SEPTIN9: variants seen among roughly 807,000 people sequenced by gnomAD.
SEPTIN9 encodes septin 9.
A neutral mutation model predicts 56.6 loss-of-function variants in SEPTIN9; 13 were observed. That is an observed-to-expected ratio of 0.23 (90% CI 0.15 to 0.37). SEPTIN9 has a LOEUF of 0.37. SEPTIN9 is among the 10% of genes least tolerant of loss of function. The pLI, the probability that SEPTIN9 is intolerant of heterozygous loss-of-function variation, is 1.00. For missense variants in SEPTIN9, 650 were observed against 823.1 expected (o/e 0.79, Z 2.57); for synonymous variants, 332 against 334.1 (o/e 0.99, Z 0.07).
intron 2 of SEPTIN9, among the ~76,000 whole-genome samples, chr17:77,359,503 A>C (rs939319939): frequency 1.3e-5 from 2 of 152,252 alleles, no homozygotes; most frequent in Non-Finnish European, 2.9e-5. Context: ...CCAGTCAATC[A>C]TGATGGCTGC....
Position 77,482,224 on chromosome 17 carries a change from C to T in SEPTIN9, c.802C>T (p.Arg268Trp), listed in dbSNP as rs762063100. The T allele has an allele frequency of 1.8e-5, 29 of 1,612,762 alleles. No homozygotes were observed. The highest frequency in any genetic ancestry group is 8.9e-5 in the East Asian group (4 of 44,854). Residue 268 changes from arginine to tryptophan, a missense_variant, in exon 4 of 12, where the codon CGG becomes TGG. Coordinates refer to ENST00000427177, the MANE Select transcript of SEPTIN9 (RefSeq NM_001113491.2). ...CGGGCTCAAGCAGGCGCCTGCATCACGGAACGAGAAGGCCCCGGTGGACTT... is the reference window on the plus strand; with the variant it reads ...CGGGCTCAAGCAGGCGCCTGCATCATGGAACGAGAAGGCCCCGGTGGACTT... Reference protein sequence around the residue: ...DAGLKQAPASRNEKAPVDFGY... With the variant: ...DAGLKQAPASWNEKAPVDFGY...
At chr17:77,322,959 C>T (rs2032993949) in intron 2 of SEPTIN9, 1 of 152,464 alleles carries the variant, frequency 6.6e-6, no homozygotes, top group South Asian at 2.1e-4. Flanking sequence ...GTGGGTGCCT[C>T]ATGCCCCACT....
chr17:77,372,725 G>C (rs1267334565), intron 2 of SEPTIN9, among the ~76,000 whole-genome samples: 2 of 151,948 alleles, frequency 1.3e-5, no homozygotes, highest in African/African-American at 4.8e-5. Flanking sequence ...CCCCGGGGCG[G>C]TGGTCGTGGT....
In SEPTIN9 at chr17:77,449,922, T is replaced by C. The variant is rs8081166; in HGVS notation, c.722-32222T>C. On this transcript the variant is annotated intron_variant, in intron 3 of 11. Coordinates refer to ENST00000427177, the MANE Select transcript of SEPTIN9 (RefSeq NM_001113491.2). The surrounding 1 kb of genome is among the most constrained non-coding windows in gnomAD (Gnocchi z 4.6). ...TGGGGAAGGTCAAATTCCACAGATA[T>C]TGAGTGACAGGCCCAGGGCCTTGGA... 0.03 allele frequency among the ~76,000 whole-genome samples: 4,531 copies of C among 152,282 alleles called. 203 individuals are homozygous for C. Among genetic ancestry groups the C allele is most frequent in the African/African-American group, 0.097 (4,044 of 41,524 alleles).
rs1488192253 is a variant in SEPTIN9 at position 77,319,182 on chromosome 17, A to G, written c.76+11985A>G. On this transcript the variant is annotated intron_variant, in intron 2 of 11. Transcript: ENST00000427177. The surrounding 1 kb of genome is among the most constrained non-coding windows in gnomAD (Gnocchi z 5.3). Reference sequence around the variant, plus strand: ...TGTCTCGGGTTTGAATGAACCCTTGAGGTGAAGCTTAAAGACAGAGAGGAT... The same window carrying G: ...TGTCTCGGGTTTGAATGAACCCTTGGGGTGAAGCTTAAAGACAGAGAGGAT... 3.3e-5 allele frequency among the ~76,000 whole-genome samples: 5 copies of G among 152,166 alleles called. No homozygotes were observed. The highest frequency in any genetic ancestry group is 2.6e-4 in the Admixed American group (4 of 15,280).
intron 1 of SEPTIN9, chr17:77,287,804 CA>C (rs2031345449): frequency 1.1e-6 from 1 of 874,894 alleles, no homozygotes; most frequent in Non-Finnish European, 1.4e-6. Context: ...CCTGGTTCTC[CA>C]AAGCATGACT....
chr17:77,480,614 C>CG (rs1258034867), intron 3 of SEPTIN9, among the ~76,000 whole-genome samples: 1 of 152,212 alleles, frequency 6.6e-6, no homozygotes, highest in Non-Finnish European at 1.5e-5. Flanking sequence ...TTGCCTGTCA[C>CG]GGGGGATGAG....
At chr17:77,418,841 G>A (rs774288627) in intron 3 of SEPTIN9, among the ~76,000 whole-genome samples, 2 of 152,102 alleles carry the variant, frequency 1.3e-5, no homozygotes, top group African/African-American at 2.4e-5. Flanking sequence ...AGGCTGGACC[G>A]AGACCCGGTG....
intron 1 of SEPTIN9, among the ~76,000 whole-genome samples, chr17:77,301,559 G>A (rs2032058190): frequency 6.6e-6 from 1 of 152,028 alleles, no homozygotes; most frequent in Admixed American, 6.6e-5. Flanking sequence ...TGAGTAGCTG[G>A]GATTACAAAC....
intron 2 of SEPTIN9, 72 bp downstream of exon 2, chr17:77,307,269 T>A: frequency 2.2e-6 from 3 of 1,377,222 alleles, no homozygotes; most frequent in Non-Finnish European, 3.1e-6. Context: ...TTCATTCTGG[T>A]CTGGGACCTG....
chr17:77,366,329 C>T lies in SEPTIN9; in HGVS notation c.77-35730C>T, dbSNP rs138107556. ...TTAGCCATTTCACGACTGTGTCTTG[C>T]GGGGCTGGAGTAGGAACAGGAGTAG... On this transcript the variant is annotated intron_variant, in intron 2 of 11. Coordinates refer to ENST00000427177, the MANE Select transcript of SEPTIN9 (RefSeq NM_001113491.2). 3.0e-3 allele frequency among the ~76,000 whole-genome samples: 462 copies of T among 152,210 alleles called. 11 individuals carry two copies. In the East Asian group the frequency reaches 0.049, roughly 16 times the overall value.
rs540419776 is a variant in SEPTIN9, at chr17:77,452,542, T to C, written c.722-29602T>C. On this transcript the variant is annotated intron_variant, in intron 3 of 11. Transcript: ENST00000427177. The stretch of plus-strand genomic sequence containing the variant: ...TAAGATAAGTTTGTAATTCCTTTCC[T>C]GGAGAAAAATATGCCACCCGGAAGC... Among the ~76,000 whole-genome samples, 5 of 152,308 alleles carry C rather than the reference T, an allele frequency of 3.3e-5. No individual in the cohort carries two copies. The East Asian group carries it at 9.6e-4, about 29-fold the overall frequency.
At chr17:77,381,938 C>T (rs1380553690) in intron 2 of SEPTIN9, among the ~76,000 whole-genome samples, 1 of 152,202 alleles carries the variant, frequency 6.6e-6, no homozygotes, top group African/African-American at 2.4e-5. Flanking sequence ...TGGAGGAAGG[C>T]TTCCTAACCA....
At chr17:77,379,223 C>G (rs1421424276) in intron 2 of SEPTIN9, among the ~76,000 whole-genome samples, 1 of 152,086 alleles carries the variant, frequency 6.6e-6, no homozygotes, top group African/African-American at 2.4e-5. Context: ...CCCCATACCC[C>G]TACACTGGGC....
Position 77,451,536 on chromosome 17 carries a change from C to T in SEPTIN9, c.722-30608C>T, listed in dbSNP as rs529624959. The T allele has an allele frequency of 1.0e-6, 1 of 985,692 alleles. No homozygotes were observed. The highest frequency in any genetic ancestry group is 1.2e-6 in the Non-Finnish European group (1 of 830,120). 61.1% of individuals were successfully genotyped at this position (985,692 alleles called of 1,614,324 possible). On this transcript the variant is annotated intron_variant, in intron 3 of 11. Transcript: ENST00000427177. The surrounding 1 kb of genome is among the most constrained non-coding windows in gnomAD (Gnocchi z 4.2). ...CGACGTTCCGCTGCTGGGGTGAGTC[C>T]TGCTCCTTTGTTCTTCCCAGCCTTG... is the stretch of plus-strand genomic sequence containing the variant.
chr17:77,343,177 G>T (rs79937747), intron 2 of SEPTIN9, among the ~76,000 whole-genome samples: 4,402 of 152,292 alleles, frequency 0.029, 205 homozygotes, highest in African/African-American at 0.1. Context: ...GATAAGGGCT[G>T]GTTGCCAGGG....
intron 3 of SEPTIN9, among the ~76,000 whole-genome samples, chr17:77,468,472 C>A (rs550040901): frequency 6.6e-6 from 1 of 152,060 alleles, no homozygotes; most frequent in Non-Finnish European, 1.5e-5. Context: ...AGGTTAGGGG[C>A]GTGTGTTTTG....
At chr17:77,396,500 G>T (rs1362234095) in intron 2 of SEPTIN9, among the ~76,000 whole-genome samples, 2 of 152,164 alleles carry the variant, frequency 1.3e-5, no homozygotes, top group Non-Finnish European at 2.9e-5. Flanking sequence ...GACGTGTAAA[G>T]TGACAAGGAC....
intron 3 of SEPTIN9, among the ~76,000 whole-genome samples, chr17:77,417,220 G>C (rs7222532): frequency 0.37 from 56,985 of 152,132 alleles, 11,239 homozygotes; most frequent in African/African-American, 0.43. Flanking sequence ...ATTACCAAAC[G>C]AGGCACACAA....
Sources: allele counts gnomAD v4.1 joint callset (sites outside exome capture counted in the v4.1 genomes callset), GRCh38; gene constraint gnomAD v4.1.1; non-coding constraint Gnocchi (gnomAD v3.1); transcripts MANE v1.5; gene names NCBI Gene and HGNC (gene_info 2026-07-23, HGNC 2026-07-21).